The following CSMD1 variants were observed in gnomAD, a reference collection of about 807,000 sequenced individuals.
The protein encoded by CSMD1 is CUB and sushi domain-containing protein 1.
Under a neutral mutation model 417.5 loss-of-function variants are expected in CSMD1, and 213 were observed. The ratio of observed to expected loss-of-function variants is 0.51; its 90% CI spans 0.46 to 0.57. CSMD1 has a LOEUF of 0.57. CSMD1 is among the 20% of genes least tolerant of loss of function. CSMD1 has a pLI of 0.00. For synonymous variants in CSMD1, 2,862 were observed against 1,736.8 expected (o/e 1.65, Z -16.11); for missense variants, 6,923 against 4,529.7 (o/e 1.53, Z -15.17).
At chr8:4,812,108 G>C (rs1237507849) in intron 1 of CSMD1, among the ~76,000 whole-genome samples, 1 of 152,190 alleles carries the variant, frequency 6.6e-6, no homozygotes, top group Non-Finnish European at 1.5e-5. Context: ...CTGGACAGGA[G>C]TCTCAGGAAT....
chr8:4,294,791 A>T (rs931272106), intron 3 of CSMD1, among the ~76,000 whole-genome samples: 1 of 152,010 alleles, frequency 6.6e-6, no homozygotes, highest in African/African-American at 2.4e-5. Flanking sequence ...TAAAATAAAA[A>T]CCTGGAAAAA....
At chr8:3,699,656 A>G (rs775229734) in intron 7 of CSMD1, among the ~76,000 whole-genome samples, 1 of 152,244 alleles carries the variant, frequency 6.6e-6, no homozygotes, top group South Asian at 2.1e-4. Flanking sequence ...ACTCTGTGTG[A>G]CAAATATTTA....
At chr8:4,052,581 C>A (rs572660667) in intron 3 of CSMD1, among the ~76,000 whole-genome samples, 1 of 152,054 alleles carries the variant, frequency 6.6e-6, no homozygotes, top group Non-Finnish European at 1.5e-5. Flanking sequence ...TCACGAAATT[C>A]TTGCCTTTCC....
chr8:3,004,999 C>T (rs572698946), intron 52 of CSMD1, among the ~76,000 whole-genome samples: 2 of 152,146 alleles, frequency 1.3e-5, no homozygotes, highest in East Asian at 3.9e-4. Context: ...ATTAGCTGAG[C>T]AAGGTGGCAC....
intron 1 of CSMD1, among the ~76,000 whole-genome samples, chr8:4,695,567 C>G (rs1584955947): frequency 6.6e-6 from 1 of 152,176 alleles, no homozygotes; most frequent in South Asian, 2.1e-4. Context: ...GAGGAAGATA[C>G]AGAGGTTTCT....
chr8:4,096,426 A>G (rs1159082753), intron 3 of CSMD1, among the ~76,000 whole-genome samples: 1 of 152,174 alleles, frequency 6.6e-6, no homozygotes, highest in Admixed American at 6.5e-5. Context: ...AACAGGAAGG[A>G]AAAATGCAAA....
chr8:3,998,145 T>A, intron 4 of CSMD1, 35 bp from the exon 5 acceptor site: 3 of 1,525,410 alleles, frequency 2.0e-6, no homozygotes, highest in East Asian at 2.5e-5. Flanking sequence ...AGCATCACAT[T>A]TCAGGATGGT....
At chr8:3,872,960 CATCACTG>C (rs1330046062) in intron 5 of CSMD1, among the ~76,000 whole-genome samples, 1 of 151,952 alleles carries the variant, frequency 6.6e-6, no homozygotes, top group Non-Finnish European at 1.5e-5. Context: ...AAAAGCTCAA[CATCACTG>C]ATCATTAGAG....
intron 3 of CSMD1, among the ~76,000 whole-genome samples, chr8:4,190,950 G>C (rs757265944): frequency 2.6e-5 from 4 of 151,024 alleles, no homozygotes; most frequent in Non-Finnish European, 4.4e-5. Context: ...GCTCAGTGGA[G>C]AGTGGGGGGG....
intron 5 of CSMD1, among the ~76,000 whole-genome samples, chr8:3,770,139 G>C (rs529942872): frequency 4.5e-4 from 68 of 152,330 alleles, no homozygotes; most frequent in African/African-American, 1.0e-3. Context: ...GGAGACTAAA[G>C]GCTACCTGCA....
chr8:3,466,162 T>C (rs1816781006), intron 12 of CSMD1, among the ~76,000 whole-genome samples: 2 of 152,146 alleles, frequency 1.3e-5, no homozygotes, highest in Non-Finnish European at 2.9e-5. Context: ...TTTTACTCAG[T>C]TGATTTTTCA....
At chr8:3,930,925 A>C (rs1810094161) in intron 5 of CSMD1, among the ~76,000 whole-genome samples, 1 of 150,594 alleles carries the variant, frequency 6.6e-6, no homozygotes, top group Admixed American at 6.6e-5. Flanking sequence ...CAATGGTTCA[A>C]TTGTTGCTAG....
intron 3 of CSMD1, among the ~76,000 whole-genome samples, chr8:4,241,537 C>A (rs931092653): frequency 6.6e-6 from 1 of 152,148 alleles, no homozygotes; most frequent in Admixed American, 6.5e-5. Context: ...TCTAGTGCAC[C>A]ACTCTATGTC....
intron 12 of CSMD1, among the ~76,000 whole-genome samples, chr8:3,424,467 C>T (rs117661345): frequency 0.014 from 2,064 of 152,122 alleles, 22 homozygotes; most frequent in Non-Finnish European, 0.021. Flanking sequence ...TGTTTGTATG[C>T]GAATATGTGT....
intron 6 of CSMD1, among the ~76,000 whole-genome samples, chr8:3,739,674 T>C (rs1372163186): frequency 6.6e-6 from 1 of 152,218 alleles, no homozygotes; most frequent in Non-Finnish European, 1.5e-5. Context: ...TTTAAATTCC[T>C]GTGTTGTAAG....
chr8:4,627,772 G>C (rs897880503), intron 2 of CSMD1, among the ~76,000 whole-genome samples: 14 of 152,070 alleles, frequency 9.2e-5, no homozygotes, highest in Non-Finnish European at 1.8e-4. Flanking sequence ...CTTCGGCCTT[G>C]AACAGAAAAA....
In CSMD1 at chr8:3,591,438, C is replaced by G. The variant is rs544012478; in HGVS notation, c.1098-5178G>C. 8.5e-5 allele frequency among the ~76,000 whole-genome samples: 13 copies of G among 152,296 alleles called. No homozygotes were observed. The South Asian group carries it at 2.3e-3, about 27-fold the overall frequency. On this transcript the variant is annotated intron_variant, in intron 8 of 69. Coordinates refer to ENST00000635120, the MANE Select transcript of CSMD1 (RefSeq NM_033225.6). ...ATACAAGCAATTTCTAAATATGGTTCTCATAGAGCATAACTATTTGAGAAC... is the reference window on the plus strand; with the variant it reads ...ATACAAGCAATTTCTAAATATGGTTGTCATAGAGCATAACTATTTGAGAAC...
At chr8:4,443,916 A>G (rs1798627852) in intron 2 of CSMD1, among the ~76,000 whole-genome samples, 1 of 152,184 alleles carries the variant, frequency 6.6e-6, no homozygotes, top group South Asian at 2.1e-4. Context: ...GAGTCCTCAT[A>G]AGAAATGCGT....
intron 3 of CSMD1, among the ~76,000 whole-genome samples, chr8:4,092,967 G>A (rs1028112593): frequency 2.0e-5 from 3 of 151,998 alleles, no homozygotes; most frequent in Non-Finnish European, 4.4e-5. Context: ...TCTCTGTGTG[G>A]GGAGTATCTT....
Sources: allele counts gnomAD v4.1 joint callset (sites outside exome capture counted in the v4.1 genomes callset), GRCh38; gene constraint gnomAD v4.1.1; transcripts MANE v1.5; gene names NCBI Gene and HGNC (gene_info 2026-07-23, HGNC 2026-07-21).